The following SLC23A1 variants were observed in gnomAD, a reference collection of about 807,000 sequenced individuals.
The protein encoded by SLC23A1 is Na(+)/L-ascorbic acid transporter 1.
Under a neutral mutation model 62.5 loss-of-function variants are expected in SLC23A1, and 31 were observed. That is an observed-to-expected ratio of 0.50 (90% CI 0.37 to 0.67). The LOEUF is 0.67. Ranked by LOEUF, SLC23A1 falls within the 30% of genes least tolerant of loss-of-function variation. The probability of loss-of-function intolerance (pLI) is 0.00; values close to 1 mark genes in which losing one functional copy is unlikely to be tolerated. For missense variants in SLC23A1, 640 were observed against 782.7 expected (o/e 0.82, Z 2.18); for synonymous variants, 271 against 313.2 (o/e 0.87, Z 1.42).
upstream of SLC23A1, chr5:139,384,366 C>T (rs934422961): frequency 1.1e-5 from 14 of 1,286,700 alleles, no homozygotes; most frequent in Admixed American, 9.2e-5. Flanking sequence ...ACTTCTGGGT[C>T]GCTGTGCCCA....
rs763482820 is a variant in SLC23A1, at chr5:139,379,938, C to T, written c.768+18G>A. ...CCCTGGCCATAGTCCCAGCCCCAGC[C>T]GCCTGCCAGGTCCTCACAGGAAACA... On this transcript the variant is annotated intron_variant, in intron 7 of 14. Coordinates refer to ENST00000348729, the MANE Select transcript of SLC23A1 (RefSeq NM_005847.5). The surrounding 1 kb of genome is among the most constrained non-coding windows in gnomAD (Gnocchi z 4.7). The T allele has an allele frequency of 3.0e-5, 48 of 1,613,904 alleles. No homozygotes were observed. The highest frequency in any genetic ancestry group is 1.6e-4 in the Middle Eastern group (1 of 6,084).
Position 139,379,939 on chromosome 5 carries a change from G to A in SLC23A1, c.768+17C>T, listed in dbSNP as rs753407860. 6.3e-5 allele frequency: 102 copies of A among 1,614,084 alleles called. No homozygotes were observed. The highest frequency in any genetic ancestry group is 1.7e-4 in the Middle Eastern group (1 of 6,060). Reference sequence around the variant, plus strand: ...CCTGGCCATAGTCCCAGCCCCAGCCGCCTGCCAGGTCCTCACAGGAAACAT... The same window carrying A: ...CCTGGCCATAGTCCCAGCCCCAGCCACCTGCCAGGTCCTCACAGGAAACAT... On this transcript the variant is annotated intron_variant, in intron 7 of 14. Transcript: ENST00000348729. The surrounding 1 kb of genome is among the most constrained non-coding windows in gnomAD (Gnocchi z 4.7).
At chr5:139,383,183 TGCCCCCCCTA>T (rs1758369677) in intron 1 of SLC23A1, 25 bp downstream of exon 1, 3 of 218,372 alleles carry the variant, frequency 1.4e-5, no homozygotes, top group Non-Finnish European at 2.3e-5. Context: ...CCACCCCCCC[TGCCCCCCCTA>T]GCCCCCACCC....
At chr5:139,377,296 C>G in intron 13 of SLC23A1, 106 bp downstream of exon 13, 1 of 711,772 alleles carries the variant, frequency 1.4e-6, no homozygotes, top group Non-Finnish European at 2.6e-6. Flanking sequence ...CCCTGCAGGG[C>G]CTGCATTGCA....
At chr5:139,382,762 G>T (rs1758341771) in intron 1 of SLC23A1, among the ~76,000 whole-genome samples, 157 bp from the exon 2 acceptor site, 1 of 152,186 alleles carries the variant, frequency 6.6e-6, no homozygotes, top group South Asian at 2.1e-4. Context: ...GTGCCACTTG[G>T]CCTGGCCACA....
chr5:139,374,908 C>T (rs1194936564), intron 13 of SLC23A1, among the ~76,000 whole-genome samples: 2 of 152,156 alleles, frequency 1.3e-5, no homozygotes, highest in African/African-American at 4.8e-5. Context: ...TGGTCTGTTC[C>T]AGCCCCCAGT....
chr5:139,380,422 T>C (rs762530203), intron 5 of SLC23A1, 33 bp from the exon 6 acceptor site: 5 of 1,612,710 alleles, frequency 3.1e-6, no homozygotes, highest in African/African-American at 2.7e-5. Context: ...TAAGTCACCA[T>C]GTAAAGGTCA....
chr5:139,384,367 G>T (rs1054224231), upstream of SLC23A1: 2 of 1,287,262 alleles, frequency 1.6e-6, no homozygotes, highest in Non-Finnish European at 2.0e-6. Flanking sequence ...CTTCTGGGTC[G>T]CTGTGCCCAT....
intron 2 of SLC23A1, 91 bp from the exon 3 acceptor site, chr5:139,382,140 G>A (rs1481993760): frequency 1.6e-5 from 21 of 1,342,362 alleles, no homozygotes; most frequent in Middle Eastern, 2.3e-4. Flanking sequence ...CTGCCTCAGC[G>A]GGCCTGGAAC....
In SLC23A1 at chr5:139,378,726, AC is replaced by A; in HGVS notation, c.1074-43del. 1 of 1,420,734 alleles carries A rather than the reference AC, an allele frequency of 7.0e-7. No homozygotes were observed. Among genetic ancestry groups the A allele is most frequent in the Non-Finnish European group, 9.8e-7 (1 of 1,024,036 alleles). The allele number at this position is 1,420,734 out of a possible 1,614,324, so 88.0% of individuals were successfully genotyped here. A position where few individuals can be genotyped will look rare whatever the true frequency, so the allele number is the denominator to read the frequency against. ...AGTCGGGGCTTGGTCCAGCCTCTGC[AC>A]CAGTCTGTGTTCCCCCATCATCTTA... On this transcript the variant is annotated intron_variant, in intron 9 of 14. Transcript: ENST00000348729. The surrounding 1 kb of genome is among the most constrained non-coding windows in gnomAD (Gnocchi z 4.5).
At chr5:139,377,835 C>T in intron 12 of SLC23A1, 140 bp downstream of exon 12, 1 of 770,556 alleles carries the variant, frequency 1.3e-6, no homozygotes, top group Non-Finnish European at 2.1e-6. Flanking sequence ...ACAGCTGTGA[C>T]CCAAGCTCTC....
At position 139,381,001 on chromosome 5, in the gene SLC23A1, G is replaced by A. The variant is rs1758228558; in HGVS notation, c.309-115C>T. ...CAGAGAGAGTGACAGAGACACAAGG[G>A]ACAAGGGCAGATGGAAATCGTTGAG... On this transcript the variant is annotated intron_variant, in intron 3 of 14. Transcript: ENST00000348729. The A allele has an allele frequency of 4.8e-6, 3 of 618,604 alleles. No individual in the cohort carries two copies. The South Asian group carries it at 6.3e-5, about 13-fold the overall frequency. 38.3% of individuals were successfully genotyped at this position (618,604 alleles called of 1,614,324 possible).
chr5:139,371,938 A>G lies in SLC23A1; in HGVS notation c.*19+49T>C, dbSNP rs1263869329. On this transcript the variant is annotated intron_variant, in intron 14 of 14. Coordinates refer to ENST00000348729, the MANE Select transcript of SLC23A1 (RefSeq NM_005847.5). ...GGTTTTTCTTTGGTTAAAGCATAAG[A>G]ATGTTTTGATTATTCAACCCTCCCA... The G allele has an allele frequency of 4.2e-6, 6 of 1,436,098 alleles. No homozygotes were observed. In the Admixed American group the frequency reaches 9.2e-5, roughly 22 times the overall value. 89.0% of individuals were successfully genotyped at this position (1,436,098 alleles called of 1,614,324 possible).
chr5:139,380,172 G>A (rs1758170978), intron 6 of SLC23A1, 36 bp downstream of exon 6: 2 of 1,556,612 alleles, frequency 1.3e-6, no homozygotes, highest in Non-Finnish European at 1.7e-6. Flanking sequence ...GTAGGGTGCT[G>A]GGGCTGGGCA....
At chr5:139,369,018 G>A (rs1268499486) in intron 14 of SLC23A1, 7 of 419,442 alleles carry the variant, frequency 1.7e-5, no homozygotes, top group Admixed American at 1.3e-4. Context: ...GGCTTGATGT[G>A]AAGACAGCAA....
At chr5:139,374,499 GT>G (rs1238865565) in intron 13 of SLC23A1, among the ~76,000 whole-genome samples, 1 of 152,212 alleles carries the variant, frequency 6.6e-6, no homozygotes, top group East Asian at 1.9e-4. Context: ...CCAGCAGGAA[GT>G]TAAGGGCTGG....
At chr5:139,372,364 A>G (rs1757716250) in intron 13 of SLC23A1, 111 bp from the exon 14 acceptor site, 1 of 1,054,888 alleles carries the variant, frequency 9.5e-7, no homozygotes, top group Non-Finnish European at 1.4e-6. Context: ...TTCCTTAACT[A>G]TCATTTGGTC....
chr5:139,371,750 C>A (rs1757681948), intron 14 of SLC23A1, among the ~76,000 whole-genome samples: 1 of 152,242 alleles, frequency 6.6e-6, no homozygotes, highest in Non-Finnish European at 1.5e-5. Flanking sequence ...TGCATTTCAG[C>A]ATACTTGTAG....
chr5:139,372,610 A>G (rs1168042778), intron 13 of SLC23A1, among the ~76,000 whole-genome samples: 16 of 152,046 alleles, frequency 1.1e-4, no homozygotes, highest in Admixed American at 9.8e-4. Flanking sequence ...TTTTTGAGAC[A>G]GTCTCGCTCT....
Sources: gnomAD v4.1 joint callset for allele counts (sites outside exome capture counted in the v4.1 genomes callset) on GRCh38, gnomAD v4.1.1 for gene constraint, Gnocchi (gnomAD v3.1) non-coding constraint, MANE v1.5 for transcripts, NCBI Gene and HGNC (gene_info 2026-07-23, HGNC 2026-07-21) for gene names.